ZNF143: variants seen among roughly 807,000 people sequenced by gnomAD.
The protein encoded by ZNF143 is zinc finger protein 143, also known as SPH-binding factor.
ZNF143 carries 49 observed loss-of-function variants against 74.1 expected under a neutral mutation model. The ratio of observed to expected loss-of-function variants is 0.66; its 90% CI spans 0.53 to 0.84. The LOEUF (loss-of-function observed/expected upper bound fraction) is 0.84. Ranked by LOEUF, ZNF143 falls within the 40% of genes least tolerant of loss-of-function variation. The pLI is 0.00. For synonymous variants in ZNF143, 304 were observed against 282.8 expected (o/e 1.07, Z -0.75); for missense variants, 637 against 793.4 (o/e 0.80, Z 2.37).
At chr11:9,522,141 GA>G in intron 14 of ZNF143, among the ~76,000 whole-genome samples, 1 of 151,362 alleles carries the variant, frequency 6.6e-6, no homozygotes, top group South Asian at 2.1e-4. Context: ...GCTTGTATTG[GA>G]AAAAAAAGGT....
At chr11:9,509,326 A>G (rs183545598) in intron 12 of ZNF143, among the ~76,000 whole-genome samples, 2 of 152,344 alleles carry the variant, frequency 1.3e-5, no homozygotes, top group Admixed American at 1.3e-4. Flanking sequence ...TCCATTAAGC[A>G]TGTTGGTCTT....
chr11:9,461,946 A>G (rs10840243), intron 1 of ZNF143: 63,631 of 152,120 alleles, frequency 0.42, 14,309 homozygotes, highest in Non-Finnish European at 0.51. Flanking sequence ...ATCAAGTGAG[A>G]ATGTGGGGAG....
At chr11:9,520,674 A>G (rs1434384658) in intron 14 of ZNF143, among the ~76,000 whole-genome samples, 2 of 152,146 alleles carry the variant, frequency 1.3e-5, no homozygotes, top group Non-Finnish European at 2.9e-5. Flanking sequence ...CTTTAGTCCC[A>G]GCTACTCAGG....
At position 9,472,705 on chromosome 11, in the gene ZNF143, C is replaced by T. The variant is rs761035816; in HGVS notation, c.141C>T (p.Gly47=). The T allele has an allele frequency of 5.6e-5, 90 of 1,607,034 alleles. No homozygotes were observed. The highest frequency in any genetic ancestry group is 6.7e-5 in the Non-Finnish European group (79 of 1,178,052). The change falls in exon 3 of 16, where the codon GGC becomes GGT. Residue 47 remains glycine, a synonymous_variant. Transcript: ENST00000396602. ...GTGACAACTTAGAAAATATGGAAGG[C>T]GTAAGCTTGCAAGCAGTAACACTTG... ...ADGDNLENME[G]VSLQAVTLAD...
intron 7 of ZNF143, among the ~76,000 whole-genome samples, chr11:9,493,592 C>T (rs1472017221): frequency 1.3e-5 from 2 of 152,120 alleles, no homozygotes; most frequent in African/African-American, 2.4e-5. Context: ...GGGTACTTCT[C>T]AACTCCCCCA....
At position 9,475,922 on chromosome 11, in the gene ZNF143, G is replaced by A. The variant is rs1401900459; in HGVS notation, c.373+1289G>A. Among the ~76,000 whole-genome samples the A allele has an allele frequency of 5.5e-3, 670 of 121,518 alleles. 3 individuals are homozygous for A. Among genetic ancestry groups the A allele is most frequent in the Non-Finnish European group, 8.0e-3 (394 of 49,538 alleles). 79.7% of individuals were successfully genotyped at this position (121,518 alleles called of 152,430 possible). A position where few individuals can be genotyped will look rare whatever the true frequency, so the allele number is the denominator to read the frequency against. ...CAAAAAAATATATATGTGTGTGTGT[G>A]TGTGTGTGTGTGTGTGTGTGTGTGT... On this transcript the variant is annotated intron_variant, in intron 5 of 15. Coordinates refer to ENST00000396602, the MANE Select transcript of ZNF143 (RefSeq NM_003442.6).
At chr11:9,497,052 A>C (rs1847983368) in intron 9 of ZNF143, among the ~76,000 whole-genome samples, 1 of 152,214 alleles carries the variant, frequency 6.6e-6, no homozygotes, top group African/African-American at 2.4e-5. Flanking sequence ...TGGGACTGGC[A>C]CCAGGCCTGC....
At chr11:9,470,107 A>G (rs1856484072) in intron 1 of ZNF143, among the ~76,000 whole-genome samples, 1 of 152,220 alleles carries the variant, frequency 6.6e-6, no homozygotes, top group Non-Finnish European at 1.5e-5. Flanking sequence ...CAGCTACATT[A>G]TCCCAGCTAC....
intron 14 of ZNF143, among the ~76,000 whole-genome samples, chr11:9,520,664 CT>C (rs1417538058): frequency 6.6e-6 from 1 of 152,042 alleles, no homozygotes; most frequent in Non-Finnish European, 1.5e-5. Context: ...TGGTGTGCAC[CT>C]TTAGTCCCAG....
At chr11:9,481,315 G>A (rs1448740106) in intron 7 of ZNF143, among the ~76,000 whole-genome samples, 1 of 152,076 alleles carries the variant, frequency 6.6e-6, no homozygotes, top group Non-Finnish European at 1.5e-5. Flanking sequence ...TTGAGCCCGT[G>A]GTTTGAAGTT....
intron 11 of ZNF143, 75 bp from the exon 12 acceptor site, chr11:9,508,544 C>A (rs967802500): frequency 1.4e-6 from 2 of 1,387,832 alleles, no homozygotes; most frequent in African/African-American, 1.4e-5. Context: ...GGTATTTTAC[C>A]CCCTGGGGGG....
In ZNF143 at chr11:9,508,759, T is replaced by A; in HGVS notation, c.1288T>A (p.Ser430Thr). 6.2e-7 allele frequency: 1 copy of A among 1,613,264 alleles called. No individual in the cohort carries two copies. The highest frequency in any genetic ancestry group is 1.1e-5 in the South Asian group (1 of 90,930). ...CTGTGGGAAGACATACAAGCAGATC[T>A]CCACGCTGGCCATGCACAAACGGAC... Reference protein sequence around the residue: ...NHCGKTYKQISTLAMHKRTAH... With the variant: ...NHCGKTYKQITTLAMHKRTAH... Residue 430 changes from serine (S) to threonine (T), a missense_variant, in exon 12 of 16, where the codon TCC becomes ACC. Physicochemically the swap from Ser to Thr is moderately conservative, Grantham distance 58 (BLOSUM62 1). This residue lies in a region of ZNF143 where 344 missense variants were observed against 485.6 expected (regional missense o/e 0.71). Coordinates refer to ENST00000396602, the MANE Select transcript of ZNF143 (RefSeq NM_003442.6).
chr11:9,524,440 T>G (rs1849054340), intron 14 of ZNF143, among the ~76,000 whole-genome samples: 1 of 152,230 alleles, frequency 6.6e-6, no homozygotes, highest in South Asian at 2.1e-4. Context: ...CTTATAGAAT[T>G]AGGGAACATT....
At chr11:9,493,313 G>T (rs893821922) in intron 7 of ZNF143, among the ~76,000 whole-genome samples, 2 of 151,868 alleles carry the variant, frequency 1.3e-5, no homozygotes, top group Non-Finnish European at 2.9e-5. Context: ...CTTGTGACCC[G>T]CCCGCCTCGG....
At chr11:9,490,096 A>T (rs1338618374) in intron 7 of ZNF143, among the ~76,000 whole-genome samples, 1 of 151,956 alleles carries the variant, frequency 6.6e-6, no homozygotes, top group Non-Finnish European at 1.5e-5. Flanking sequence ...AGGCAAGAGG[A>T]TCACTTGAGC....
chr11:9,507,890 C>A (rs569556350), intron 11 of ZNF143, among the ~76,000 whole-genome samples: 3 of 152,202 alleles, frequency 2.0e-5, no homozygotes, highest in African/African-American at 7.2e-5. Context: ...ATATAAGAAA[C>A]AATATTGGTC....
chr11:9,474,121 G>T, intron 4 of ZNF143, 97 bp downstream of exon 4: 1 of 949,430 alleles, frequency 1.1e-6, no homozygotes, highest in South Asian at 1.3e-5. Context: ...ACTTGGTCTT[G>T]TTCTCAAGTC....
At chr11:9,474,126 C>A in intron 4 of ZNF143, 102 bp downstream of exon 4, 1 of 902,076 alleles carries the variant, frequency 1.1e-6, no homozygotes, top group Non-Finnish European at 1.8e-6. Context: ...GTCTTGTTCT[C>A]AAGTCCTCCT....
rs1847955029 is a variant in ZNF143 at position 9,496,293 on chromosome 11, T to G, written c.766-10T>G. 1 of 1,613,878 alleles carries G rather than the reference T, an allele frequency of 6.2e-7. No homozygotes were observed. Among genetic ancestry groups the G allele is most frequent in the Non-Finnish European group, 8.5e-7 (1 of 1,179,882 alleles). ...AAGGAAATAGAATCATGCCTGCATT[T>G]TAATCACAGGTCCATGAGAGGTCAC... On this transcript the variant is annotated splice_polypyrimidine_tract_variant and intron_variant, in intron 8 of 15. Transcript: ENST00000396602.
Sources: gnomAD v4.1 joint callset for allele counts (sites outside exome capture counted in the v4.1 genomes callset) on GRCh38, gnomAD v4.1.1 for gene constraint, gnomAD v4.1.1 regional missense constraint, MANE v1.5 for transcripts, NCBI Gene and HGNC (gene_info 2026-07-23, HGNC 2026-07-21) for gene names.